TANK: variants seen among roughly 807,000 people sequenced by gnomAD.
TANK encodes the protein TRAF family member associated NFKB activator.
Under a neutral mutation model 43.6 loss-of-function variants are expected in TANK, and 15 were observed. The ratio of observed to expected loss-of-function variants is 0.34; its 90% CI spans 0.23 to 0.53. TANK has a LOEUF of 0.53. Ranked by LOEUF, TANK falls within the 20% of genes least tolerant of loss-of-function variation. The pLI is 0.94. For missense variants in TANK, 417 were observed against 498.6 expected, an observed-to-expected ratio of 0.84 and a Z score of 1.56; for synonymous variants, 162 against 178.2, an observed-to-expected ratio of 0.91 and a Z score of 0.73.
chr2:161,175,113 C>T (rs574435879), intron 1 of TANK, among the ~76,000 whole-genome samples: 1 of 152,120 alleles, frequency 6.6e-6, no homozygotes, highest in South Asian at 2.1e-4. Flanking sequence ...TGCTCATATA[C>T]TATATGCTTC....
At chr2:161,203,717 T>C in intron 3 of TANK, 122 bp downstream of exon 3, 3 of 623,334 alleles carry the variant, frequency 4.8e-6, no homozygotes, top group South Asian at 4.2e-5. Flanking sequence ...ATAACTGTGG[T>C]ACAGTTATAT....
At position 161,188,770 on chromosome 2, in the gene TANK, C is replaced by T. The variant is rs202106520; in HGVS notation, c.99+9009C>T. 6.6e-5 allele frequency among the ~76,000 whole-genome samples: 10 copies of T among 152,236 alleles called. No individual in the cohort carries two copies. In the East Asian group the frequency reaches 1.5e-3, roughly 23 times the overall value. On this transcript the variant is annotated intron_variant, in intron 2 of 7. Transcript: ENST00000392749. ...TATTTGCTATGGTTTGAATGTTTGTCGCCTCCAAAACTCATGTTGAAATTT... is the reference window on the plus strand; with the variant it reads ...TATTTGCTATGGTTTGAATGTTTGTTGCCTCCAAAACTCATGTTGAAATTT...
intron 4 of TANK, among the ~76,000 whole-genome samples, chr2:161,208,492 T>A (rs1686744347): frequency 6.6e-6 from 1 of 152,184 alleles, no homozygotes; most frequent in African/African-American, 2.4e-5. Context: ...TGCACAGTCC[T>A]TTGCATTATC....
chr2:161,212,244 A>G (rs778720888), intron 4 of TANK: 2 of 419,092 alleles, frequency 4.8e-6, no homozygotes, highest in Non-Finnish European at 6.4e-6. Flanking sequence ...TATTTTTAGT[A>G]GAGACGGGGT....
chr2:161,235,565 G>A lies in TANK; in HGVS notation c.*47G>A. ...ATCAAGTTCTATGTGATGATTTTGG[G>A]TTTTTAATACTATAAATACTTGATT... On this transcript the variant is annotated 3_prime_UTR_variant, in exon 8 of 8. Transcript: ENST00000392749. The A allele has an allele frequency of 3.4e-6, 5 of 1,463,250 alleles. No homozygotes were observed. Among genetic ancestry groups the A allele is most frequent in the Non-Finnish European group, 4.6e-6 (5 of 1,086,092 alleles). The allele number at this position is 1,463,250 out of a possible 1,614,324, so 90.6% of individuals were successfully genotyped here.
chr2:161,201,914 G>A (rs193165687), intron 2 of TANK, among the ~76,000 whole-genome samples: 41 of 152,240 alleles, frequency 2.7e-4, no homozygotes, highest in African/African-American at 7.5e-4. Flanking sequence ...TCATTCTTCT[G>A]TTCACAATAA....
chr2:161,150,919 C>G (rs2358016), intron 1 of TANK, among the ~76,000 whole-genome samples: 65,249 of 151,914 alleles, frequency 0.43, 14,715 homozygotes, highest in Admixed American at 0.55. Context: ...TGAACATTTA[C>G]TGCTATTAAT....
At chr2:161,208,775 A>G (rs980413164) in intron 4 of TANK, among the ~76,000 whole-genome samples, 3 of 152,160 alleles carry the variant, frequency 2.0e-5, no homozygotes, top group African/African-American at 4.8e-5. Flanking sequence ...AACTTCACTC[A>G]AAGTAAGGGA....
intron 1 of TANK, among the ~76,000 whole-genome samples, chr2:161,144,605 G>A (rs182856563): frequency 6.6e-6 from 1 of 152,244 alleles, no homozygotes; most frequent in African/African-American, 2.4e-5. Flanking sequence ...ATGTAGTTGT[G>A]TCATTTTGAG....
rs1685321514 is a variant in TANK, at chr2:161,179,499, G to A, written c.-49-115G>A. The A allele has an allele frequency of 3.6e-6, 3 of 841,716 alleles. No individual in the cohort carries two copies. The African/African-American group carries it at 5.3e-5, about 15-fold the overall frequency. The allele number at this position is 841,716 out of a possible 1,614,324, so 52.1% of individuals were successfully genotyped here. ...ATTTTAGATGAGACTTATGTTTATA[G>A]TACTTGGTGGTATAATGTTTGTGGT... On this transcript the variant is annotated intron_variant, in intron 1 of 7. Coordinates refer to ENST00000392749, the MANE Select transcript of TANK (RefSeq NM_001199135.3).
In TANK at chr2:161,209,606, C is replaced by T. The variant is rs796499430; in HGVS notation, c.327+4813C>T. ...ACTATCTTGAGTGTCTAGGTTTTGA[C>T]AGAAATTGTTTGCCCTCATCTTTCT... On this transcript the variant is annotated intron_variant, in intron 4 of 7. Coordinates refer to ENST00000392749, the MANE Select transcript of TANK (RefSeq NM_001199135.3). 5.2e-4 allele frequency among the ~76,000 whole-genome samples: 79 copies of T among 152,228 alleles called. 1 individual carries two copies. The highest frequency in any genetic ancestry group is 1.8e-3 in the African/African-American group (75 of 41,546).
intron 3 of TANK, 115 bp from the exon 4 acceptor site, chr2:161,204,560 C>T (rs1361279055): frequency 4.2e-6 from 4 of 954,444 alleles, no homozygotes; most frequent in African/African-American, 1.7e-5. Context: ...TTCTAAAACT[C>T]CTACCTTAAA....
chr2:161,211,993 G>A (rs1414502507), intron 4 of TANK: 3 of 937,484 alleles, frequency 3.2e-6, no homozygotes, highest in South Asian at 4.9e-5. Context: ...AATTAGAAAG[G>A]AAAATAACTA....
intron 2 of TANK, among the ~76,000 whole-genome samples, chr2:161,201,637 T>C (rs927867129): frequency 6.6e-6 from 1 of 152,202 alleles, no homozygotes; most frequent in Non-Finnish European, 1.5e-5. Flanking sequence ...CAGAAATATA[T>C]AGAGAAGACT....
intron 2 of TANK, among the ~76,000 whole-genome samples, chr2:161,201,809 A>G (rs1686425948): frequency 1.3e-5 from 2 of 152,300 alleles, no homozygotes; most frequent in African/African-American, 4.8e-5. Flanking sequence ...AAGATGTCTT[A>G]TCCTGGGAAG....
intron 2 of TANK, among the ~76,000 whole-genome samples, chr2:161,183,648 A>G (rs1459151354): frequency 6.6e-6 from 1 of 152,122 alleles, no homozygotes; most frequent in East Asian, 1.9e-4. Flanking sequence ...TTTTACATTT[A>G]GTTTTCAAAG....
At chr2:161,206,255 A>G (rs999913321) in intron 4 of TANK, among the ~76,000 whole-genome samples, 1 of 152,120 alleles carries the variant, frequency 6.6e-6, no homozygotes, top group Non-Finnish European at 1.5e-5. Flanking sequence ...TTGAAATTTT[A>G]TAAGTTTGAA....
chr2:161,208,398 T>C (rs924173203), intron 4 of TANK, among the ~76,000 whole-genome samples: 2 of 152,188 alleles, frequency 1.3e-5, no homozygotes, highest in African/African-American at 4.8e-5. Flanking sequence ...AGATGACCCT[T>C]AGTACTCTGC....
intron 1 of TANK, among the ~76,000 whole-genome samples, chr2:161,142,178 T>G (rs1356589863): frequency 6.6e-6 from 1 of 152,174 alleles, no homozygotes; most frequent in African/African-American, 2.4e-5. Flanking sequence ...ATGGGGTTGT[T>G]TTTTTCTTGT....
Sources: allele counts gnomAD v4.1 joint callset (sites outside exome capture counted in the v4.1 genomes callset), GRCh38; gene constraint gnomAD v4.1.1; transcripts MANE v1.5; gene names NCBI Gene and HGNC (gene_info 2026-07-23, HGNC 2026-07-21).